Variants in COL4A3 observed in about 807,000 individuals in gnomAD.
COL4A3 encodes the protein collagen type IV alpha 3 chain, also known as collagen alpha-3(IV) chain.
Under a neutral mutation model 217.4 loss-of-function variants are expected in COL4A3, and 135 were observed. That is an observed-to-expected ratio of 0.62 (90% CI 0.54 to 0.72). The LOEUF (loss-of-function observed/expected upper bound fraction) is 0.72. Ranked by LOEUF, COL4A3 falls within the 30% of genes least tolerant of loss-of-function variation. COL4A3 has a pLI of 0.00. For missense variants in COL4A3, 1,868 were observed against 2,119.9 expected (o/e 0.88, Z 2.33); for synonymous variants, 690 against 736.3 (o/e 0.94, Z 1.02).
intron 28 of COL4A3, among the ~76,000 whole-genome samples, chr2:227,278,300 G>T (rs1288733529): frequency 6.6e-6 from 1 of 152,086 alleles, no homozygotes; most frequent in Non-Finnish European, 1.5e-5. Context: ...ACATAAGCCT[G>T]CCCACTGACA....
chr2:227,234,844 A>G (rs2068603857), intron 1 of COL4A3, among the ~76,000 whole-genome samples: 1 of 152,174 alleles, frequency 6.6e-6, no homozygotes, highest in Admixed American at 6.5e-5. Context: ...CAAGGCCCCC[A>G]CACCTTCTCA....
At chr2:227,165,933 T>C (rs1253515035) in intron 1 of COL4A3, among the ~76,000 whole-genome samples, 1 of 152,200 alleles carries the variant, frequency 6.6e-6, no homozygotes, top group Non-Finnish European at 1.5e-5. Context: ...TCATATTTCA[T>C]GTAGTTTTCC....
Position 227,280,942 on chromosome 2 carries a change from G to A in COL4A3, c.2424G>A (p.Arg808=), listed in dbSNP as rs759352023. The A allele has an allele frequency of 8.3e-6, 13 of 1,567,994 alleles. No homozygotes were observed. The highest frequency in any genetic ancestry group is 3.3e-4 in the Middle Eastern group (2 of 6,004). ...CTGGAGAACAAGGACCCCCAGGAAG[G>A]TGCATAGAGGGTCCCAGGGGAGCCC... The part of the protein sequence containing the change: ...GPPGEQGPPG[R]CIEGPRGAQG... Residue 808 remains arginine (R), a synonymous_variant, in exon 31 of 52, where the codon AGG becomes AGA. Coordinates refer to ENST00000396578, the MANE Select transcript of COL4A3 (RefSeq NM_000091.5).
chr2:227,255,498 A>G (rs1013753775), intron 15 of COL4A3, among the ~76,000 whole-genome samples: 3 of 152,232 alleles, frequency 2.0e-5, no homozygotes, highest in African/African-American at 4.8e-5. Flanking sequence ...TTCAATGAAC[A>G]TGATTTTTAA....
chr2:227,235,518 G>T (rs2068642213), intron 1 of COL4A3, among the ~76,000 whole-genome samples: 3 of 152,238 alleles, frequency 2.0e-5, no homozygotes, highest in Admixed American at 2.0e-4. Flanking sequence ...CTTTAGTGGT[G>T]ATTTCTGAGA....
intron 27 of COL4A3, among the ~76,000 whole-genome samples, chr2:227,276,767 T>TG (rs1291068076): frequency 6.6e-6 from 1 of 152,138 alleles, no homozygotes; most frequent in South Asian, 2.1e-4. Context: ...GGAGTTTTGG[T>TG]GGGGGAGCAA....
chr2:227,291,746 A>ATCTTGTTTCAATGTT (rs1362651129), intron 37 of COL4A3, among the ~76,000 whole-genome samples: 1 of 152,196 alleles, frequency 6.6e-6, no homozygotes, highest in Non-Finnish European at 1.5e-5. Context: ...GAAATGCTTA[A>ATCTTGTTTCAATGTT]TCTTGTTTCA....
intron 20 of COL4A3, among the ~76,000 whole-genome samples, chr2:227,262,426 T>C (rs1325087395): frequency 1.3e-5 from 2 of 152,172 alleles, no homozygotes; most frequent in African/African-American, 4.8e-5. Context: ...CTGTGAAAAA[T>C]GGCATTGGTA....
At chr2:227,204,557 T>C (rs1223122909) in intron 1 of COL4A3, among the ~76,000 whole-genome samples, 7 of 152,198 alleles carry the variant, frequency 4.6e-5, no homozygotes, top group Admixed American at 4.6e-4. Context: ...ACAGATTGTC[T>C]GGGATTCTAA....
intron 1 of COL4A3, among the ~76,000 whole-genome samples, chr2:227,194,336 G>T (rs2066386899): frequency 6.6e-6 from 1 of 152,102 alleles, no homozygotes; most frequent in South Asian, 2.1e-4. Flanking sequence ...ATCTAAGAAA[G>T]AGAGTGGTAT....
intron 39 of COL4A3, 115 bp from the exon 40 acceptor site, chr2:227,294,849 G>A: frequency 1.1e-6 from 1 of 872,042 alleles, no homozygotes; most frequent in African/African-American, 1.7e-5. Context: ...AAAACAGCCT[G>A]TTTAACACAA....
rs1203059352 is a variant in COL4A3, at chr2:227,314,421, G to A, written c.*2551G>A. ...GAAGATTTAATATTACAGATAAAAT[G>A]TAAACTGTTTCTTTAAAATTGGGGC... On this transcript the variant is annotated 3_prime_UTR_variant, in exon 52 of 52. Coordinates refer to ENST00000396578, the MANE Select transcript of COL4A3 (RefSeq NM_000091.5). 1 of 152,748 alleles carries A rather than the reference G, an allele frequency of 6.5e-6. No homozygotes were observed. Among genetic ancestry groups the A allele is most frequent in the East Asian group, 1.9e-4 (1 of 5,186 alleles). The allele number at this position is 152,748 out of a possible 1,614,324, so 9.5% of individuals were successfully genotyped here. A position where few individuals can be genotyped will look rare whatever the true frequency, so the allele number is the denominator to read the frequency against.
intron 25 of COL4A3, 59 bp from the exon 26 acceptor site, chr2:227,272,890 A>G (rs201781515): frequency 3.3e-4 from 511 of 1,541,110 alleles, no homozygotes; most frequent in Non-Finnish European, 4.3e-4. Flanking sequence ...AGGATGATTA[A>G]CCTGTTGTAA....
At chr2:227,223,788 A>G (rs2067943105) in intron 1 of COL4A3, among the ~76,000 whole-genome samples, 1 of 152,190 alleles carries the variant, frequency 6.6e-6, no homozygotes, top group Admixed American at 6.5e-5. Context: ...TTTTCTCCTT[A>G]TCCTTTACAG....
chr2:227,246,038 G>T, intron 6 of COL4A3, 22 bp downstream of exon 6: 2 of 1,565,224 alleles, frequency 1.3e-6, no homozygotes, highest in Non-Finnish European at 1.8e-6. Flanking sequence ...TCACACAGAA[G>T]ATGATTAATA....
intron 1 of COL4A3, among the ~76,000 whole-genome samples, chr2:227,200,166 A>T (rs2066629911): frequency 6.7e-6 from 1 of 149,084 alleles, no homozygotes; most frequent in Non-Finnish European, 1.5e-5. Flanking sequence ...TGTGATCTCG[A>T]TGTAGATGGA....
intron 28 of COL4A3, 128 bp from the exon 29 acceptor site, chr2:227,279,665 A>G (rs2071820255): frequency 1.6e-6 from 1 of 610,782 alleles, no homozygotes; most frequent in Non-Finnish European, 2.8e-6. Context: ...CTAATTTATC[A>G]GTTGGTTTTA....
intron 42 of COL4A3, 85 bp downstream of exon 42, chr2:227,297,944 T>G (rs1299622436): frequency 7.1e-7 from 1 of 1,417,992 alleles, no homozygotes; most frequent in African/African-American, 1.4e-5. Flanking sequence ...CATGTTACCT[T>G]GTTGCTTCTT....
chr2:227,245,056 T>C (rs2069247561), intron 5 of COL4A3, 61 bp downstream of exon 5: 1 of 1,513,434 alleles, frequency 6.6e-7, no homozygotes. Flanking sequence ...TTAATAAAGA[T>C]GTTAAAACAG....
Sources: gnomAD v4.1 joint callset for allele counts (sites outside exome capture counted in the v4.1 genomes callset) on GRCh38, gnomAD v4.1.1 for gene constraint, MANE v1.5 for transcripts, NCBI Gene and HGNC (gene_info 2026-07-23, HGNC 2026-07-21) for gene names.